Variants in TBC1D12 observed in about 807,000 individuals in gnomAD.
The protein encoded by TBC1D12 is TBC1 domain family, member 12.
A neutral mutation model predicts 86.7 loss-of-function variants in TBC1D12; 56 were observed. The observed-to-expected ratio is 0.65, with a 90% CI of 0.52 to 0.81. The LOEUF (loss-of-function observed/expected upper bound fraction) is 0.81, where lower values mean the gene tolerates loss of function less well. TBC1D12 is among the 30% of genes least tolerant of loss of function. TBC1D12 has a pLI of 0.00. For synonymous variants in TBC1D12, 421 were observed against 411.7 expected, an observed-to-expected ratio of 1.02 and a Z score of -0.27; for missense variants, 1,023 against 1,038.8, an observed-to-expected ratio of 0.98 and a Z score of 0.21.
intron 1 of TBC1D12, among the ~76,000 whole-genome samples, chr10:94,424,946 T>C (rs942402215): frequency 2.0e-5 from 3 of 152,016 alleles, no homozygotes; most frequent in African/African-American, 7.2e-5. Flanking sequence ...AGCTGTCCCA[T>C]AGGGAGGTGA....
At chr10:94,462,492 A>C (rs748369751) in intron 2 of TBC1D12, among the ~76,000 whole-genome samples, 1 of 152,216 alleles carries the variant, frequency 6.6e-6, no homozygotes, top group South Asian at 2.1e-4. Context: ...GGCAAAGTCA[A>C]CCCCAGTTGA....
At chr10:94,508,733 G>A (rs948131797) in intron 7 of TBC1D12, 5 of 151,492 alleles carry the variant, frequency 3.3e-5, no homozygotes, top group Admixed American at 2.0e-4. Context: ...GCGCATATCA[G>A]CCAGATATTT....
chr10:94,430,044 T>C (rs1269991470), intron 1 of TBC1D12, among the ~76,000 whole-genome samples: 1 of 151,976 alleles, frequency 6.6e-6, no homozygotes, highest in African/African-American at 2.4e-5. Flanking sequence ...CCGAAAAGTA[T>C]TCTATCCCCC....
At chr10:94,449,284 A>G (rs912347918) in intron 2 of TBC1D12, among the ~76,000 whole-genome samples, 1 of 152,198 alleles carries the variant, frequency 6.6e-6, no homozygotes, top group African/African-American at 2.4e-5. Context: ...AGCAGGCTTC[A>G]GACTAAACAA....
intron 2 of TBC1D12, chr10:94,447,733 A>G (rs1589622099): frequency 1.0e-6 from 1 of 965,104 alleles, no homozygotes; most frequent in Non-Finnish European, 1.2e-6. Flanking sequence ...ATCGTAGTTC[A>G]GTTGACCTGA....
chr10:94,505,924 G>T (rs1019370338), intron 6 of TBC1D12, among the ~76,000 whole-genome samples: 19 of 152,086 alleles, frequency 1.2e-4, no homozygotes, highest in Non-Finnish European at 2.4e-4. Context: ...ATATATTTAT[G>T]TATATGCTTG....
intron 11 of TBC1D12, among the ~76,000 whole-genome samples, chr10:94,530,302 G>T (rs1564995474): frequency 6.6e-6 from 1 of 152,156 alleles, no homozygotes. Context: ...TGTCAGAAAG[G>T]TTGGGAAAAA....
At chr10:94,486,111 GCT>G (rs1199243820) in intron 3 of TBC1D12, among the ~76,000 whole-genome samples, 16 of 137,934 alleles carry the variant, frequency 1.2e-4, no homozygotes, top group Non-Finnish European at 1.6e-5. Flanking sequence ...ATTTATTTGT[GCT>G]CTTTTTCTTT....
Position 94,527,488 on chromosome 10 carries a change from C to T in TBC1D12, c.2001-3714C>T, listed in dbSNP as rs1399756516. Reference sequence around the variant, plus strand: ...ATGAATAGTTTGCAGATATTTTTTCCCATTCTGTGGGGTTTTTTTTTTTAT... The same window carrying T: ...ATGAATAGTTTGCAGATATTTTTTCTCATTCTGTGGGGTTTTTTTTTTTAT... On this transcript the variant is annotated intron_variant, in intron 11 of 12. Coordinates refer to ENST00000225235, the MANE Select transcript of TBC1D12 (RefSeq NM_015188.2). Among the ~76,000 whole-genome samples, 4 of 140,916 alleles carry T rather than the reference C, an allele frequency of 2.8e-5. No homozygotes were observed. The East Asian group carries it at 7.7e-4, about 27-fold the overall frequency. 92.4% of individuals were successfully genotyped at this position (140,916 alleles called of 152,430 possible). A position where few individuals can be genotyped will look rare whatever the true frequency, so the allele number is the denominator to read the frequency against.
At chr10:94,500,406 C>G (rs921348794) in intron 6 of TBC1D12, 79 bp downstream of exon 6, 1 of 1,193,484 alleles carries the variant, frequency 8.4e-7, no homozygotes, top group Admixed American at 2.6e-5. Flanking sequence ...GTAGAGTGAC[C>G]ATTAAAATAA....
intron 8 of TBC1D12, among the ~76,000 whole-genome samples, chr10:94,511,256 C>T (rs1353514863): frequency 6.6e-6 from 1 of 151,852 alleles, no homozygotes; most frequent in East Asian, 1.9e-4. Flanking sequence ...TGACACCATG[C>T]CCAGCTAATT....
chr10:94,522,567 T>G (rs1842178619), intron 11 of TBC1D12, 114 bp downstream of exon 11: 1 of 493,418 alleles, frequency 2.0e-6, no homozygotes, highest in South Asian at 3.4e-5. Flanking sequence ...ATAAAGAGCC[T>G]TCTTTTACAA....
intron 5 of TBC1D12, 80 bp from the exon 6 acceptor site, chr10:94,500,141 A>G: frequency 7.9e-7 from 1 of 1,271,132 alleles, no homozygotes; most frequent in Non-Finnish European, 1.1e-6. Context: ...TTGGCCATAG[A>G]CTAAAGATAA....
chr10:94,515,818 A>AT (rs1170919949), intron 9 of TBC1D12, among the ~76,000 whole-genome samples: 3 of 152,230 alleles, frequency 2.0e-5, no homozygotes, highest in African/African-American at 7.2e-5. Context: ...TATTCTAACA[A>AT]TTTAGGTGAA....
intron 2 of TBC1D12, among the ~76,000 whole-genome samples, chr10:94,462,583 A>G (rs1446144301): frequency 2.6e-5 from 4 of 152,216 alleles, no homozygotes; most frequent in Non-Finnish European, 4.4e-5. Context: ...TTTTCTTGAC[A>G]TCAGCCTGGG....
chr10:94,522,509 T>G, intron 11 of TBC1D12, 56 bp downstream of exon 11: 1 of 793,338 alleles, frequency 1.3e-6, no homozygotes, highest in Non-Finnish European at 1.9e-6. Flanking sequence ...GTATAACTTT[T>G]TGTGTGTTTT....
At chr10:94,439,922 A>G (rs2055355893) in intron 1 of TBC1D12, among the ~76,000 whole-genome samples, 1 of 152,218 alleles carries the variant, frequency 6.6e-6, no homozygotes, top group African/African-American at 2.4e-5. Context: ...CAACGTATCA[A>G]ACATTGTTTA....
At position 94,527,496 on chromosome 10, in the gene TBC1D12, TG is replaced by T. The variant is rs771138238; in HGVS notation, c.2001-3702del. ...TTTGCAGATATTTTTTCCCATTCTG[TG>T]GGGTTTTTTTTTTTATGCTATTGAT... On this transcript the variant is annotated intron_variant, in intron 11 of 12. Transcript: ENST00000225235. Among the ~76,000 whole-genome samples, 579 of 134,900 alleles carry T rather than the reference TG, an allele frequency of 4.3e-3. 3 individuals carry two copies. The highest frequency in any genetic ancestry group is 0.015 in the African/African-American group (485 of 32,046). The allele number at this position is 134,900 out of a possible 152,430, so 88.5% of individuals were successfully genotyped here. A position where few individuals can be genotyped will look rare whatever the true frequency, so the allele number is the denominator to read the frequency against.
intron 1 of TBC1D12, among the ~76,000 whole-genome samples, chr10:94,419,812 A>G (rs1472526732): frequency 2.6e-5 from 4 of 152,230 alleles, no homozygotes; most frequent in South Asian, 2.1e-4. Context: ...AAACAGAGCC[A>G]CAAAGAAAAA....
Sources: gnomAD v4.1 joint callset for allele counts (sites outside exome capture counted in the v4.1 genomes callset) on GRCh38, gnomAD v4.1.1 for gene constraint, MANE v1.5 for transcripts, NCBI Gene and HGNC (gene_info 2026-07-23, HGNC 2026-07-21) for gene names.